WDR43: variants seen among roughly 807,000 people sequenced by gnomAD.
The protein encoded by WDR43 is WD repeat domain 43.
A neutral mutation model predicts 91.4 loss-of-function variants in WDR43; 13 were observed. The ratio of observed to expected loss-of-function variants is 0.14; its 90% CI spans 0.09 to 0.23. WDR43 has a LOEUF of 0.23. Among genes scored for constraint, WDR43 ranks in the 10% least tolerant of loss-of-function variants. WDR43 has a pLI of 1.00. For missense variants in WDR43, 780 were observed against 809.4 expected, an observed-to-expected ratio of 0.96 and a Z score of 0.44; for synonymous variants, 331 against 287.9, an observed-to-expected ratio of 1.15 and a Z score of -1.51.
At chr2:28,929,871 C>T (rs1218508167) in intron 11 of WDR43, among the ~76,000 whole-genome samples, 161 bp downstream of exon 11, 1 of 152,032 alleles carries the variant, frequency 6.6e-6, no homozygotes, top group African/African-American at 2.4e-5. Context: ...TGGCATTATA[C>T]AGACAGTCAC....
chr2:28,930,046 T>A, intron 11 of WDR43: 1 of 484,604 alleles, frequency 2.1e-6, no homozygotes, highest in Non-Finnish European at 4.2e-6. Flanking sequence ...CAATTTATAT[T>A]TTTTTCTGTA....
At chr2:28,941,748 C>G (rs546232806) in intron 15 of WDR43, among the ~76,000 whole-genome samples, 174 bp downstream of exon 15, 1 of 152,142 alleles carries the variant, frequency 6.6e-6, no homozygotes, top group South Asian at 2.1e-4. Context: ...TGGGACTACA[C>G]GGATGCACCA....
chr2:28,912,808 T>G, intron 4 of WDR43, 98 bp downstream of exon 4: 2 of 1,460,076 alleles, frequency 1.4e-6, no homozygotes, highest in Non-Finnish European at 1.8e-6. Flanking sequence ...AGAATACAAA[T>G]TCTTCATTGT....
chr2:28,895,128 G>T (rs962710981), intron 1 of WDR43: 5 of 414,914 alleles, frequency 1.2e-5, no homozygotes, highest in African/African-American at 4.2e-5. Context: ...GGCGCAGCTC[G>T]ACCCGGCCGG....
intron 16 of WDR43, among the ~76,000 whole-genome samples, chr2:28,945,412 C>T (rs1671528016): frequency 6.6e-6 from 1 of 152,176 alleles, no homozygotes; most frequent in Non-Finnish European, 1.5e-5. Context: ...GGGGTTGAAT[C>T]TGGCTACTGT....
chr2:28,942,626 T>TC (rs1222294604), intron 16 of WDR43, among the ~76,000 whole-genome samples: 1 of 151,080 alleles, frequency 6.6e-6, no homozygotes, highest in Admixed American at 6.6e-5. Flanking sequence ...TTTCTTTTTT[T>TC]TTTTTTTTAA....
At chr2:28,930,189 A>ATGT (rs1175239729) in intron 11 of WDR43, 2 of 448,676 alleles carry the variant, frequency 4.5e-6, no homozygotes, top group Non-Finnish European at 9.3e-6. Context: ...GTTGGGGGTT[A>ATGT]TGTTGTAAAA....
chr2:28,913,843 A>T, intron 4 of WDR43: 1 of 672,540 alleles, frequency 1.5e-6, no homozygotes, highest in South Asian at 1.5e-5. Flanking sequence ...CATGGGAGTT[A>T]GAAGGAACAT....
In WDR43 at chr2:28,946,910, C is replaced by CT; in HGVS notation, c.*134dup. 2 of 1,052,448 alleles carry CT rather than the reference C, an allele frequency of 1.9e-6. No homozygotes were observed. The highest frequency in any genetic ancestry group is 2.4e-4 in the Middle Eastern group (1 of 4,162). The allele number at this position is 1,052,448 out of a possible 1,614,324, so 65.2% of individuals were successfully genotyped here. On this transcript the variant is annotated 3_prime_UTR_variant, in exon 18 of 18. Coordinates refer to ENST00000407426, the MANE Select transcript of WDR43 (RefSeq NM_015131.3). ...ATTCACAGCAGTGGATCCCATGCCA[C>CT]TTTGCTGTCCTGAGCACCCCAGACT...
At chr2:28,901,080 G>A (rs531309804) in intron 1 of WDR43, among the ~76,000 whole-genome samples, 1 of 152,234 alleles carries the variant, frequency 6.6e-6, no homozygotes, top group East Asian at 1.9e-4. Flanking sequence ...CTAAGATCCT[G>A]CACTATTAAG....
rs891394514 is a variant in WDR43 at position 28,922,911 on chromosome 2, T to G, written c.850-8T>G. On this transcript the variant is annotated splice_polypyrimidine_tract_variant and splice_region_variant and intron_variant, in intron 6 of 17. Coordinates refer to ENST00000407426, the MANE Select transcript of WDR43 (RefSeq NM_015131.3). ...CATTATAATACGTTGGTTACATTTT[T>G]CTTTTAGCCTGTCAAGTTGGCTGTT... The G allele has an allele frequency of 6.2e-7, 1 of 1,610,146 alleles. No homozygotes were observed. The highest frequency in any genetic ancestry group is 8.5e-7 in the Non-Finnish European group (1 of 1,178,040).
chr2:28,905,665 CTTTTTTT>C (rs942200958), intron 2 of WDR43, among the ~76,000 whole-genome samples: 4 of 80,126 alleles, frequency 5.0e-5, no homozygotes, highest in Non-Finnish European at 1.0e-4. Flanking sequence ...CTCTTCTTCT[CTTTTTTT>C]TTTTTTTTTT....
chr2:28,932,196 G>A (rs1365319227), intron 11 of WDR43, among the ~76,000 whole-genome samples: 1 of 151,994 alleles, frequency 6.6e-6, no homozygotes, highest in African/African-American at 2.4e-5. Context: ...TTGATTGATC[G>A]ATTGTCGCCC....
chr2:28,942,049 A>C (rs2148200535), intron 15 of WDR43, among the ~76,000 whole-genome samples: 1 of 152,306 alleles, frequency 6.6e-6, no homozygotes, highest in African/African-American at 2.4e-5. Flanking sequence ...TTATACAGTT[A>C]GTAAGTTATA....
chr2:28,899,544 A>G (rs1439237565), intron 1 of WDR43, among the ~76,000 whole-genome samples: 1 of 152,186 alleles, frequency 6.6e-6, no homozygotes, highest in Non-Finnish European at 1.5e-5. Flanking sequence ...GTTGAAGGCA[A>G]ATTGTGGATG....
chr2:28,894,864 G>A lies in WDR43; in HGVS notation c.166G>A (p.Ala56Thr), dbSNP rs747530190. 2 of 1,609,940 alleles carry A rather than the reference G, an allele frequency of 1.2e-6. No homozygotes were observed. Among genetic ancestry groups the A allele is most frequent in the Non-Finnish European group, 1.7e-6 (2 of 1,178,356 alleles). The change falls in exon 1 of 18, where the codon GCG becomes ACG. Residue 56 changes from alanine (A) to threonine (T), a missense_variant. Coordinates refer to ENST00000407426, the MANE Select transcript of WDR43 (RefSeq NM_015131.3). ...NRLHQEYVPSAHLSGTCTCLA... is the reference protein window; with the variant it reads ...NRLHQEYVPSTHLSGTCTCLA... ...GCTGCACCAGGAGTACGTGCCTTCC[G>A]CGCACCTCAGTGGTACCTGCACCTG...
intron 2 of WDR43, chr2:28,905,076 G>C (rs1261262144): frequency 6.6e-6 from 1 of 152,160 alleles, no homozygotes; most frequent in Non-Finnish European, 1.5e-5. Context: ...GAGGAGGGTG[G>C]AGAATCCTTT....
chr2:28,925,385 T>C (rs1671109105), intron 8 of WDR43, among the ~76,000 whole-genome samples: 1 of 152,202 alleles, frequency 6.6e-6, no homozygotes, highest in Non-Finnish European at 1.5e-5. Flanking sequence ...CCCTCTCCCT[T>C]GGTACTATGT....
intron 3 of WDR43, among the ~76,000 whole-genome samples, chr2:28,911,066 C>CT (rs113954166): frequency 0.27 from 39,055 of 147,246 alleles, 6,085 homozygotes; most frequent in East Asian, 0.75. Context: ...TAAATCAGGT[C>CT]TTTTTTTTTT....
Sources: gnomAD v4.1 joint callset for allele counts (sites outside exome capture counted in the v4.1 genomes callset) on GRCh38, gnomAD v4.1.1 for gene constraint, MANE v1.5 for transcripts, NCBI Gene and HGNC (gene_info 2026-07-23, HGNC 2026-07-21) for gene names.